Variants in LHFPL3 observed in about 807,000 individuals in gnomAD.
LHFPL3 encodes the protein LHFPL tetraspan subfamily member 3 protein.
A neutral mutation model predicts 19.3 loss-of-function variants in LHFPL3; 5 were observed. The ratio of observed to expected loss-of-function variants is 0.26; its 90% CI spans 0.14 to 0.54. The LOEUF is 0.54. Ranked by LOEUF, LHFPL3 falls within the 20% of genes least tolerant of loss-of-function variation. The pLI, the probability that LHFPL3 is intolerant of heterozygous loss-of-function variation, is 0.94. For missense variants in LHFPL3, 249 were observed against 307.4 expected, an observed-to-expected ratio of 0.81 and a Z score of 1.42; for synonymous variants, 133 against 126.2, an observed-to-expected ratio of 1.05 and a Z score of -0.36.
At chr7:104,412,200 G>A (rs183985403) in intron 1 of LHFPL3, among the ~76,000 whole-genome samples, 4 of 149,550 alleles carry the variant, frequency 2.7e-5, no homozygotes, top group South Asian at 2.1e-4. Context: ...TAAGTATACC[G>A]TATTGTTCAT....
intron 1 of LHFPL3, among the ~76,000 whole-genome samples, chr7:104,703,993 G>A (rs1302918339): frequency 6.6e-6 from 1 of 152,038 alleles, no homozygotes; most frequent in Non-Finnish European, 1.5e-5. Context: ...TATTTTATTT[G>A]TCTACTCATC....
At chr7:104,586,182 T>C (rs192825582) in intron 1 of LHFPL3, among the ~76,000 whole-genome samples, 2 of 152,132 alleles carry the variant, frequency 1.3e-5, no homozygotes, top group East Asian at 3.9e-4. Flanking sequence ...TAAAAGAAAG[T>C]ATGTTGGAAT....
chr7:104,607,597 C>A (rs1328966077), intron 1 of LHFPL3, among the ~76,000 whole-genome samples: 1 of 152,182 alleles, frequency 6.6e-6, no homozygotes, highest in Non-Finnish European at 1.5e-5. Flanking sequence ...GCAAGGACTT[C>A]ATGTCTAAAA....
intron 2 of LHFPL3, among the ~76,000 whole-genome samples, chr7:104,836,142 A>G: frequency 6.6e-6 from 1 of 152,196 alleles, no homozygotes; most frequent in East Asian, 1.9e-4. Context: ...TTCTAGGAGA[A>G]GTGAAGAGCA....
At chr7:104,731,111 G>GT (rs1223147334) in intron 1 of LHFPL3, among the ~76,000 whole-genome samples, 2 of 152,128 alleles carry the variant, frequency 1.3e-5, no homozygotes, top group African/African-American at 2.4e-5. Flanking sequence ...CTCTATATCT[G>GT]TTTGGTACCA....
At chr7:104,401,788 C>G (rs980675308) in intron 1 of LHFPL3, among the ~76,000 whole-genome samples, 2 of 152,186 alleles carry the variant, frequency 1.3e-5, no homozygotes, top group Admixed American at 1.3e-4. Context: ...TAAACTCATT[C>G]TCTGTTTTTG....
rs77712795 is a variant in LHFPL3, at chr7:104,603,384, A to G, written c.446-133291A>G. On this transcript the variant is annotated intron_variant, in intron 1 of 2. Transcript: ENST00000424859. ...CTAACTTTTTAAGTTTATTTTTTGT[A>G]GAGACAGGGTCTCACTGTGTTGCTC... Among the ~76,000 whole-genome samples, 619 of 152,062 alleles carry G rather than the reference A, an allele frequency of 4.1e-3. 34 individuals carry two copies. The East Asian group carries it at 0.1, about 24-fold the overall frequency.
chr7:104,349,251 A>G (rs1296470250), intron 1 of LHFPL3, among the ~76,000 whole-genome samples: 2 of 152,226 alleles, frequency 1.3e-5, no homozygotes, highest in Non-Finnish European at 2.9e-5. Context: ...GAGCAATAAT[A>G]AAGTGGTGTC....
intron 2 of LHFPL3, among the ~76,000 whole-genome samples, chr7:104,892,822 A>G (rs1294226776): frequency 2.0e-5 from 3 of 152,126 alleles, no homozygotes; most frequent in Non-Finnish European, 2.9e-5. Context: ...TTTGATTTTC[A>G]AAAATGAGAT....
chr7:104,505,063 A>G (rs2115745408), intron 1 of LHFPL3, among the ~76,000 whole-genome samples: 1 of 152,348 alleles, frequency 6.6e-6, no homozygotes, highest in African/African-American at 2.4e-5. Context: ...ATGTGTATAT[A>G]CATACTATGT....
At chr7:104,508,880 T>C (rs1793755497) in intron 1 of LHFPL3, among the ~76,000 whole-genome samples, 1 of 150,964 alleles carries the variant, frequency 6.6e-6, no homozygotes, top group South Asian at 2.1e-4. Flanking sequence ...ATGACAAAAG[T>C]AGAGAGGAGA....
chr7:104,501,398 T>C (rs1480127418), intron 1 of LHFPL3, among the ~76,000 whole-genome samples: 2 of 152,242 alleles, frequency 1.3e-5, no homozygotes, highest in Non-Finnish European at 2.9e-5. Context: ...TCTATACAGT[T>C]GCTAATATGA....
intron 1 of LHFPL3, among the ~76,000 whole-genome samples, chr7:104,502,110 C>A (rs1335516915): frequency 6.6e-6 from 1 of 152,118 alleles, no homozygotes; most frequent in African/African-American, 2.4e-5. Context: ...CTTTACATAC[C>A]AATATTGAGA....
At chr7:104,904,374 G>A (rs985353336) in intron 2 of LHFPL3, among the ~76,000 whole-genome samples, 3 of 152,212 alleles carry the variant, frequency 2.0e-5, no homozygotes, top group African/African-American at 7.2e-5. Flanking sequence ...ACCTCGGCTG[G>A]GCACAGTGGC....
intron 2 of LHFPL3, among the ~76,000 whole-genome samples, chr7:104,849,092 G>A (rs144765506): frequency 0.015 from 2,259 of 152,052 alleles, 75 homozygotes; most frequent in African/African-American, 0.052. Context: ...TACCACACCC[G>A]GCTAATTTTT....
chr7:104,821,543 T>G (rs1237112622), intron 2 of LHFPL3, among the ~76,000 whole-genome samples: 1 of 152,210 alleles, frequency 6.6e-6, no homozygotes, highest in Non-Finnish European at 1.5e-5. Flanking sequence ...GCCAAATCTT[T>G]GAGTTCCCAG....
At chr7:104,338,175 T>G (rs547217209) in intron 1 of LHFPL3, among the ~76,000 whole-genome samples, 2 of 130,278 alleles carry the variant, frequency 1.5e-5, no homozygotes, top group Admixed American at 2.0e-4. Context: ...CTCAGCCCAC[T>G]GCAAGCTCCG....
intron 1 of LHFPL3, among the ~76,000 whole-genome samples, chr7:104,730,366 G>A (rs539174136): frequency 6.6e-6 from 1 of 152,314 alleles, no homozygotes; most frequent in South Asian, 2.1e-4. Flanking sequence ...CACCAACAGT[G>A]TAAAAGTGTT....
At chr7:104,872,538 A>G (rs1791856677) in intron 2 of LHFPL3, among the ~76,000 whole-genome samples, 1 of 151,788 alleles carries the variant, frequency 6.6e-6, no homozygotes, top group Non-Finnish European at 1.5e-5. Context: ...CCAGCTACTC[A>G]GGAGGCTGGG....
Sources: gnomAD v4.1 joint callset for allele counts (sites outside exome capture counted in the v4.1 genomes callset) on GRCh38, gnomAD v4.1.1 for gene constraint, MANE v1.5 for transcripts, NCBI Gene and HGNC (gene_info 2026-07-23, HGNC 2026-07-21) for gene names.